Variants in TMEM132D observed in about 807,000 individuals in gnomAD.
The protein encoded by TMEM132D is mature OL transmembrane protein.
TMEM132D carries 21 observed loss-of-function variants against 62.3 expected under a neutral mutation model. The observed-to-expected ratio is 0.34, with a 90% CI of 0.24 to 0.49. TMEM132D has a LOEUF of 0.49. TMEM132D is among the 20% of genes least tolerant of loss of function. The probability of loss-of-function intolerance (pLI) is 0.99; values close to 1 mark genes in which losing one functional copy is unlikely to be tolerated. For synonymous variants in TMEM132D, 621 were observed against 575.6 expected, an observed-to-expected ratio of 1.08 and a Z score of -1.13; for missense variants, 1,346 against 1,402.8, an observed-to-expected ratio of 0.96 and a Z score of 0.65.
chr12:129,370,095 A>G (rs1341244085), intron 3 of TMEM132D, among the ~76,000 whole-genome samples: 1 of 152,184 alleles, frequency 6.6e-6, no homozygotes, highest in African/African-American at 2.4e-5. Flanking sequence ...TTTTTTCTCC[A>G]GGAGAAAGTC....
At chr12:129,706,282 A>C (rs948762170) in intron 1 of TMEM132D, among the ~76,000 whole-genome samples, 34 of 152,040 alleles carry the variant, frequency 2.2e-4, no homozygotes, top group African/African-American at 7.7e-4. Flanking sequence ...TTTAAAAATT[A>C]ATGAATAAAT....
intron 4 of TMEM132D, among the ~76,000 whole-genome samples, chr12:129,230,308 G>A (rs1006810023): frequency 1.1e-5 from 1 of 91,566 alleles, no homozygotes; most frequent in Non-Finnish European, 2.5e-5. Flanking sequence ...CTGTGTTGGA[G>A]GGGGGGGGCT....
chr12:129,698,117 C>A (rs144850235), intron 2 of TMEM132D: 2 of 152,240 alleles, frequency 1.3e-5, no homozygotes, highest in African/African-American at 4.8e-5. Flanking sequence ...ACGTAAGCAG[C>A]CATCCTCACA....
At position 129,441,695 on chromosome 12, in the gene TMEM132D, C is replaced by T. The variant is rs148738668; in HGVS notation, c.1115+89364G>A. On this transcript the variant is annotated intron_variant, in intron 3 of 8. Transcript: ENST00000422113. Reference sequence around the variant, plus strand: ...AAAAAGAGCCCTGTGCCCATATGCTCACTGCAGTACTATTCATAATAGCAG... The same window carrying T: ...AAAAAGAGCCCTGTGCCCATATGCTTACTGCAGTACTATTCATAATAGCAG... Among the ~76,000 whole-genome samples the T allele has an allele frequency of 4.4e-3, 667 of 152,288 alleles. 5 individuals carry two copies. Among genetic ancestry groups the T allele is most frequent in the Non-Finnish European group, 6.2e-3 (419 of 68,024 alleles).
At chr12:129,240,633 A>C (rs2135584019) in intron 4 of TMEM132D, among the ~76,000 whole-genome samples, 1 of 152,296 alleles carries the variant, frequency 6.6e-6, no homozygotes, top group South Asian at 2.1e-4. Context: ...TTGAATGTTA[A>C]ATTCACTTGC....
At chr12:129,596,116 C>A (rs1878328814) in intron 2 of TMEM132D, among the ~76,000 whole-genome samples, 1 of 152,062 alleles carries the variant, frequency 6.6e-6, no homozygotes, top group Non-Finnish European at 1.5e-5. Flanking sequence ...ACATGATGTA[C>A]ACAGGAGACA....
At chr12:129,646,800 ATT>A (rs35593697) in intron 2 of TMEM132D, among the ~76,000 whole-genome samples, 5,593 of 135,718 alleles carry the variant, frequency 0.041, 157 homozygotes, top group Admixed American at 0.1. Flanking sequence ...AATAACATGC[ATT>A]TTTTTTTTTT....
At chr12:129,123,331 T>C (rs1252757901) in intron 5 of TMEM132D, among the ~76,000 whole-genome samples, 1 of 152,200 alleles carries the variant, frequency 6.6e-6, no homozygotes, top group African/African-American at 2.4e-5. Flanking sequence ...AATTAGTTGT[T>C]GATTTTTTTT....
intron 1 of TMEM132D, among the ~76,000 whole-genome samples, chr12:129,701,960 G>A (rs776156392): frequency 9.2e-5 from 14 of 152,188 alleles, no homozygotes; most frequent in African/African-American, 2.2e-4. Flanking sequence ...TCCTGCTCCC[G>A]GCTTTGTGAG....
chr12:129,115,563 C>T (rs34557206), intron 5 of TMEM132D, among the ~76,000 whole-genome samples: 37,286 of 152,076 alleles, frequency 0.25, 5,206 homozygotes, highest in Non-Finnish European at 0.31. Context: ...TAATGATACT[C>T]GGAGTATATG....
intron 3 of TMEM132D, among the ~76,000 whole-genome samples, chr12:129,400,986 T>A (rs1170837038): frequency 5.3e-5 from 8 of 152,196 alleles, no homozygotes; most frequent in African/African-American, 1.9e-4. Flanking sequence ...TTTGTGGCCC[T>A]GGAGTGAGGG....
intron 1 of TMEM132D, among the ~76,000 whole-genome samples, chr12:129,898,512 G>A (rs1193943314): frequency 2.6e-5 from 4 of 152,186 alleles, no homozygotes; most frequent in Non-Finnish European, 5.9e-5. Context: ...GTTAAAAGGC[G>A]ACGTGACTAA....
intron 3 of TMEM132D, among the ~76,000 whole-genome samples, chr12:129,511,798 A>G (rs992208811): frequency 6.6e-6 from 1 of 152,194 alleles, no homozygotes. Context: ...TGTGGTTTAT[A>G]TATTGTTTTC....
In TMEM132D at chr12:129,578,739, A is replaced by G. The variant is rs1456647518; in HGVS notation, c.969-47534T>C. Among the ~76,000 whole-genome samples the G allele has an allele frequency of 2.0e-5, 3 of 152,096 alleles. No homozygotes were observed. In the East Asian group the frequency reaches 5.8e-4, roughly 29 times the overall value. ...GCTGGGTCTGAAGGTCTGAGAACCAAGAGTGATGAGGGCAGGAGACGACTG... is the reference window on the plus strand; with the variant it reads ...GCTGGGTCTGAAGGTCTGAGAACCAGGAGTGATGAGGGCAGGAGACGACTG... On this transcript the variant is annotated intron_variant, in intron 2 of 8. Coordinates refer to ENST00000422113, the MANE Select transcript of TMEM132D (RefSeq NM_133448.3).
At chr12:129,374,337 A>G (rs1280815154) in intron 3 of TMEM132D, among the ~76,000 whole-genome samples, 1 of 151,078 alleles carries the variant, frequency 6.6e-6, no homozygotes, top group Non-Finnish European at 1.5e-5. Flanking sequence ...TCATAATACT[A>G]CGGTCCACCA....
chr12:129,269,365 C>CTGATACTT (rs563794544), intron 4 of TMEM132D, among the ~76,000 whole-genome samples: 10,593 of 151,938 alleles, frequency 0.07, 559 homozygotes, highest in East Asian at 0.17. Context: ...TCCTCCCTCC[C>CTGATACTT]TTCCTCCCTT....
intron 3 of TMEM132D, among the ~76,000 whole-genome samples, chr12:129,487,694 A>T (rs1874625787): frequency 6.6e-6 from 1 of 152,090 alleles, no homozygotes; most frequent in South Asian, 2.1e-4. Flanking sequence ...GCACTTTGGG[A>T]GGCCGAGGCG....
At chr12:129,238,996 G>GTTTTTTTT (rs1555240386) in intron 4 of TMEM132D, among the ~76,000 whole-genome samples, 3 of 133,044 alleles carry the variant, frequency 2.3e-5, no homozygotes, top group Admixed American at 7.6e-5. Flanking sequence ...GTTATTTTCT[G>GTTTTTTTT]TTTTTTTTTT....
chr12:129,589,540 G>A (rs1159890239), intron 2 of TMEM132D, among the ~76,000 whole-genome samples: 1 of 152,078 alleles, frequency 6.6e-6, no homozygotes, highest in Non-Finnish European at 1.5e-5. Context: ...TGTCCTTCTT[G>A]CTATCTCCTG....
Sources: gnomAD v4.1 joint callset for allele counts (sites outside exome capture counted in the v4.1 genomes callset) on GRCh38, gnomAD v4.1.1 for gene constraint, MANE v1.5 for transcripts, NCBI Gene and HGNC (gene_info 2026-07-23, HGNC 2026-07-21) for gene names.